Variants in HPSE2 observed in about 807,000 individuals in gnomAD.
HPSE2 encodes inactive heparanase-2.
In HPSE2, 38 loss-of-function variants were observed where a neutral mutation model predicts 60.5. That is an observed-to-expected ratio of 0.63 (90% CI 0.48 to 0.82). The LOEUF is 0.82. Among genes scored for constraint, HPSE2 ranks in the 40% least tolerant of loss-of-function variants. The probability of loss-of-function intolerance (pLI) is 0.00; values close to 1 mark genes in which losing one functional copy is unlikely to be tolerated. For missense variants in HPSE2, 713 were observed against 740.4 expected (o/e 0.96, Z 0.43); for synonymous variants, 295 against 293.2 (o/e 1.01, Z -0.06).
chr10:98,893,234 A>C (rs1369514774), intron 3 of HPSE2, among the ~76,000 whole-genome samples: 1 of 151,700 alleles, frequency 6.6e-6, no homozygotes, highest in Non-Finnish European at 1.5e-5. Context: ...CACCTGGCTA[A>C]TTTTGTATTT....
chr10:98,513,241 G>T (rs1942481189), intron 9 of HPSE2, among the ~76,000 whole-genome samples: 1 of 152,108 alleles, frequency 6.6e-6, no homozygotes, highest in Non-Finnish European at 1.5e-5. Context: ...TCTATGGCTG[G>T]ACTTTAGGTA....
chr10:99,298,842 T>C, the HPSE2 span, among the ~76,000 whole-genome samples: 1 of 152,040 alleles, frequency 6.6e-6, no homozygotes, highest in Non-Finnish European at 1.5e-5. Context: ...GCCCAGCTAA[T>C]TTTTGTATTT....
chr10:99,144,422 C>A, intron 2 of HPSE2, 23 bp from the exon 3 acceptor site: 1 of 1,610,894 alleles, frequency 6.2e-7, no homozygotes, highest in Non-Finnish European at 8.5e-7. Flanking sequence ...AGAAAGAAGG[C>A]AGGCAGCAAA....
chr10:99,015,567 G>C (rs922607053), intron 3 of HPSE2, among the ~76,000 whole-genome samples: 7 of 150,286 alleles, frequency 4.7e-5, no homozygotes, highest in African/African-American at 1.7e-4. Context: ...CTATCACAAG[G>C]ACAAAAAACC....
chr10:99,106,974 G>A (rs534327736), intron 3 of HPSE2, among the ~76,000 whole-genome samples: 1 of 152,218 alleles, frequency 6.6e-6, no homozygotes, highest in African/African-American at 2.4e-5. Context: ...GGATGCAAGC[G>A]ATTCTCCTGC....
At chr10:98,763,758 G>A (rs1331138986) in intron 3 of HPSE2, among the ~76,000 whole-genome samples, 9 of 151,102 alleles carry the variant, frequency 6.0e-5, no homozygotes, top group African/African-American at 1.9e-4. Flanking sequence ...AGGAATAAAG[G>A]TGTTACAAAG....
chr10:98,922,448 C>A (rs562124750), intron 3 of HPSE2, among the ~76,000 whole-genome samples: 1 of 152,108 alleles, frequency 6.6e-6, no homozygotes, highest in Admixed American at 6.6e-5. Flanking sequence ...CATGAAGATA[C>A]GAGGGAGAAC....
rs756684123 is a variant in HPSE2, at chr10:98,966,171, G to A, written c.610+178067C>T. Among the ~76,000 whole-genome samples, 30 of 152,290 alleles carry A rather than the reference G, an allele frequency of 2.0e-4. 1 individual carries two copies. Among genetic ancestry groups the A allele is most frequent in the Middle Eastern group, 3.4e-3 (1 of 294 alleles). On this transcript the variant is annotated intron_variant, in intron 3 of 11. Transcript: ENST00000370552. ...CTCCCAAAGTGCTGGGCTTACAGGC[G>A]TGAGCCACTGTGCCTGGCCAGAAAG...
At chr10:98,799,321 G>A (rs562711722) in intron 3 of HPSE2, among the ~76,000 whole-genome samples, 1 of 152,090 alleles carries the variant, frequency 6.6e-6, no homozygotes, top group South Asian at 2.1e-4. Flanking sequence ...AGAGAGATAG[G>A]GCCCAATACA....
At chr10:98,536,998 G>GT (rs1287490359) in intron 9 of HPSE2, among the ~76,000 whole-genome samples, 1 of 152,152 alleles carries the variant, frequency 6.6e-6, no homozygotes, top group Admixed American at 6.5e-5. Context: ...GAATTAAAGG[G>GT]TTTTAAGAAG....
intron 3 of HPSE2, among the ~76,000 whole-genome samples, chr10:99,139,499 A>AAT (rs141419107): frequency 0.17 from 26,281 of 151,114 alleles, 2,634 homozygotes; most frequent in Admixed American, 0.24. Context: ...AGAGAGGTTA[A>AAT]ATATATATAT....
At chr10:98,828,262 T>C (rs1346370577) in intron 3 of HPSE2, among the ~76,000 whole-genome samples, 1 of 152,218 alleles carries the variant, frequency 6.6e-6, no homozygotes, top group Non-Finnish European at 1.5e-5. Context: ...AGAATGTTCA[T>C]GTATATTGTC....
At chr10:98,902,871 C>T (rs988985044) in intron 3 of HPSE2, among the ~76,000 whole-genome samples, 8 of 151,998 alleles carry the variant, frequency 5.3e-5, no homozygotes, top group African/African-American at 1.7e-4. Flanking sequence ...AGATAGGTGA[C>T]AAATTTCCTC....
At chr10:98,764,082 C>G (rs1024610551) in intron 3 of HPSE2, among the ~76,000 whole-genome samples, 1 of 152,030 alleles carries the variant, frequency 6.6e-6, no homozygotes, top group Non-Finnish European at 1.5e-5. Context: ...TTAATTACAT[C>G]TATGTATGTT....
At chr10:99,232,560 T>C in intron 1 of HPSE2, 55 bp from the exon 2 acceptor site, 1 of 1,538,854 alleles carries the variant, frequency 6.5e-7, no homozygotes, top group Non-Finnish European at 8.8e-7. Context: ...CGAGAGCGCG[T>C]GGGGCACGGA....
intron 3 of HPSE2, among the ~76,000 whole-genome samples, chr10:98,793,042 C>T (rs538945607): frequency 6.6e-6 from 1 of 152,298 alleles, no homozygotes; most frequent in Non-Finnish European, 1.5e-5. Flanking sequence ...GCCCTCAGGC[C>T]AATGGGTTGT....
At chr10:99,127,369 A>G (rs548913676) in intron 3 of HPSE2, among the ~76,000 whole-genome samples, 1 of 152,204 alleles carries the variant, frequency 6.6e-6, no homozygotes, top group South Asian at 2.1e-4. Context: ...AGTTTCAACA[A>G]TCGACTAGAA....
chr10:98,929,804 C>T (rs1954591763), intron 3 of HPSE2, among the ~76,000 whole-genome samples: 1 of 143,902 alleles, frequency 6.9e-6, no homozygotes, highest in South Asian at 2.1e-4. Flanking sequence ...ATTATTTTTA[C>T]ATTTTTTAAT....
At chr10:99,181,410 A>C (rs1206851985) in intron 2 of HPSE2, among the ~76,000 whole-genome samples, 1 of 147,500 alleles carries the variant, frequency 6.8e-6, no homozygotes. Flanking sequence ...AAAAAAAAAA[A>C]AAAAAAAAAA....
Sources: gnomAD v4.1 joint callset for allele counts (sites outside exome capture counted in the v4.1 genomes callset) on GRCh38, gnomAD v4.1.1 for gene constraint, MANE v1.5 for transcripts, NCBI Gene and HGNC (gene_info 2026-07-23, HGNC 2026-07-21) for gene names.